ATP2B2: variants seen among roughly 807,000 people sequenced by gnomAD.
ATP2B2 encodes plasma membrane calcium-transporting ATPase 2.
In ATP2B2, 15 loss-of-function variants were observed where a neutral mutation model predicts 120.0. That is an observed-to-expected ratio of 0.12 (90% CI 0.08 to 0.19). The LOEUF is 0.19. ATP2B2 is among the 10% of genes least tolerant of loss of function. The pLI is 1.00. For synonymous variants in ATP2B2, 694 were observed against 700.3 expected (o/e 0.99, Z 0.14); for missense variants, 1,045 against 1,719.8 (o/e 0.61, Z 6.94).
At chr3:10,663,451 G>A (rs998786761) in intron 1 of ATP2B2, among the ~76,000 whole-genome samples, 2 of 152,110 alleles carry the variant, frequency 1.3e-5, no homozygotes, top group African/African-American at 4.8e-5. Context: ...ACTCTAGTAG[G>A]GCAGCTGCAA....
intron 22 of ATP2B2, among the ~76,000 whole-genome samples, chr3:10,337,873 A>T (rs1045530805): frequency 6.6e-6 from 1 of 152,098 alleles, no homozygotes; most frequent in Non-Finnish European, 1.5e-5. Flanking sequence ...CTCTGCCCTC[A>T]GAGCCACCCT....
intron 9 of ATP2B2, among the ~76,000 whole-genome samples, chr3:10,378,891 G>C (rs2061452269): frequency 6.6e-6 from 1 of 152,204 alleles, no homozygotes; most frequent in Admixed American, 6.5e-5. Context: ...AGTTGGCGTG[G>C]CCTCTTCATG....
At chr3:10,618,452 G>A (rs919572358) in intron 2 of ATP2B2, among the ~76,000 whole-genome samples, 1 of 152,220 alleles carries the variant, frequency 6.6e-6, no homozygotes, top group South Asian at 2.1e-4. Context: ...GTGTGGAGAG[G>A]AAGAGACAAG....
At chr3:10,439,773 T>C (rs531075346) in intron 2 of ATP2B2, among the ~76,000 whole-genome samples, 1 of 152,082 alleles carries the variant, frequency 6.6e-6, no homozygotes, top group African/African-American at 2.4e-5. Flanking sequence ...CCCAGCACTT[T>C]GGAAGGCTGA....
intron 2 of ATP2B2, among the ~76,000 whole-genome samples, chr3:10,598,841 C>A (rs1211580827): frequency 6.6e-6 from 1 of 152,250 alleles, no homozygotes; most frequent in Non-Finnish European, 1.5e-5. Flanking sequence ...GGGTTGATGA[C>A]CTGCATGCAG....
chr3:10,330,739 G>A (rs2059958069), intron 22 of ATP2B2, among the ~76,000 whole-genome samples: 1 of 152,218 alleles, frequency 6.6e-6, no homozygotes, highest in Non-Finnish European at 1.5e-5. Context: ...GCTCCTTTGT[G>A]AAACCCTGGT....
chr3:10,631,056 G>A (rs1477994845), intron 1 of ATP2B2, among the ~76,000 whole-genome samples: 1 of 152,242 alleles, frequency 6.6e-6, no homozygotes, highest in African/African-American at 2.4e-5. Flanking sequence ...ACACAACTTG[G>A]TTTGCAGCCC....
rs2065042468 is a variant in ATP2B2, at chr3:10,472,192, G to GAAGCCAGAGACCA, written c.-319-22331_-319-22330insTGGTCTCTGGCTT. ...GAACTGAAGCCAAGACACAGAGACC[G>GAAGCCAGAGACCA]AAGCAGGAAGATGGGAGCCGGGAGG... On this transcript the variant is annotated intron_variant, in intron 1 of 22. Coordinates refer to ENST00000360273, the MANE Select transcript of ATP2B2 (RefSeq NM_001001331.4). Among the ~76,000 whole-genome samples, 6 of 152,252 alleles carry GAAGCCAGAGACCA rather than the reference G, an allele frequency of 3.9e-5. No individual in the cohort carries two copies. In the South Asian group the frequency reaches 1.2e-3, roughly 32 times the overall value.
chr3:10,447,271 G>C (rs2063869097), intron 2 of ATP2B2, among the ~76,000 whole-genome samples: 1 of 152,362 alleles, frequency 6.6e-6, no homozygotes, highest in African/African-American at 2.4e-5. Context: ...TAGGGTTCCT[G>C]TCTCAGCTAG....
chr3:10,683,163 A>T (rs752483799), intron 1 of ATP2B2, among the ~76,000 whole-genome samples: 1,598 of 148,268 alleles, frequency 0.011, 13 homozygotes, highest in African/African-American at 0.026. Flanking sequence ...TTAAAAAAAA[A>T]TTTTTTTTTT....
chr3:10,667,147 C>T (rs1164725649), intron 1 of ATP2B2, among the ~76,000 whole-genome samples: 2 of 152,160 alleles, frequency 1.3e-5, no homozygotes, highest in Admixed American at 6.5e-5. Flanking sequence ...GGACCACCTC[C>T]GAGGTGGTCT....
At chr3:10,518,770 C>A (rs1011530878) in intron 3 of ATP2B2, among the ~76,000 whole-genome samples, 3 of 152,232 alleles carry the variant, frequency 2.0e-5, no homozygotes, top group Admixed American at 2.0e-4. Flanking sequence ...CTACCCCTGC[C>A]CTGCCCCGGG....
chr3:10,336,958 T>C (rs2060133328), intron 22 of ATP2B2, among the ~76,000 whole-genome samples: 1 of 152,130 alleles, frequency 6.6e-6, no homozygotes, highest in African/African-American at 2.4e-5. Flanking sequence ...ACCAGGGACA[T>C]ATTCACTGAG....
At position 10,401,083 on chromosome 3, in the gene ATP2B2, C is replaced by T; in HGVS notation, c.656-5G>A. On this transcript the variant is annotated splice_polypyrimidine_tract_variant and splice_region_variant and intron_variant, in intron 4 of 22. Transcript: ENST00000360273. ...CGTCGGCAGGGAGGAGGTCACCTGG[C>T]AAGAGGAAGGGCAGGGGAGTCAGCA... 6.2e-7 allele frequency: 1 copy of T among 1,613,696 alleles called. No homozygotes were observed. Among genetic ancestry groups the T allele is most frequent in the Non-Finnish European group, 8.5e-7 (1 of 1,179,824 alleles).
At chr3:10,596,173 C>A (rs2068760067) in intron 2 of ATP2B2, among the ~76,000 whole-genome samples, 1 of 152,134 alleles carries the variant, frequency 6.6e-6, no homozygotes. Context: ...CCTGCCAGCA[C>A]CTTAAAGACC....
chr3:10,527,448 T>C (rs2067120019), intron 3 of ATP2B2, among the ~76,000 whole-genome samples: 1 of 152,200 alleles, frequency 6.6e-6, no homozygotes, highest in Non-Finnish European at 1.5e-5. Context: ...CACGCTCTTG[T>C]ACTCTTTCAC....
intron 1 of ATP2B2, among the ~76,000 whole-genome samples, chr3:10,697,184 A>C (rs914834811): frequency 1.3e-5 from 2 of 152,056 alleles, no homozygotes; most frequent in African/African-American, 4.8e-5. Flanking sequence ...TTTTCACTGC[A>C]CCACGCCTTT....
chr3:10,524,504 C>G (rs969612880), intron 3 of ATP2B2, among the ~76,000 whole-genome samples: 1 of 152,220 alleles, frequency 6.6e-6, no homozygotes, highest in Non-Finnish European at 1.5e-5. Flanking sequence ...GCTCTGCCTC[C>G]AGATCTGTGC....
intron 1 of ATP2B2, among the ~76,000 whole-genome samples, chr3:10,466,368 G>A (rs764029827): frequency 1.3e-5 from 2 of 152,202 alleles, no homozygotes; most frequent in Non-Finnish European, 2.9e-5. Flanking sequence ...TTGTGTATAA[G>A]CTAGCCTGCA....
Sources: allele counts gnomAD v4.1 joint callset (sites outside exome capture counted in the v4.1 genomes callset), GRCh38; gene constraint gnomAD v4.1.1; transcripts MANE v1.5; gene names NCBI Gene and HGNC (gene_info 2026-07-23, HGNC 2026-07-21).